TCF20: variants seen among roughly 807,000 people sequenced by gnomAD.
TCF20 encodes transcription factor 20, also known as SPRE-binding protein.
In TCF20, 3 loss-of-function variants were observed where a neutral mutation model predicts 148.6. That is an observed-to-expected ratio of 0.02 (90% CI 0.01 to 0.05). TCF20 has a LOEUF of 0.05. TCF20 is among the 10% of genes least tolerant of loss of function. The pLI, the probability that TCF20 is intolerant of heterozygous loss-of-function variation, is 1.00. For synonymous variants in TCF20, 1,049 were observed against 909.5 expected, an observed-to-expected ratio of 1.15 and a Z score of -2.76; for missense variants, 2,350 against 2,429.3, an observed-to-expected ratio of 0.97 and a Z score of 0.69.
In TCF20 at chr22:42,211,298, A is replaced by C; in HGVS notation, c.4008T>G (p.Pro1336=). The C allele has an allele frequency of 6.2e-7, 1 of 1,614,190 alleles. No individual in the cohort carries two copies. Among genetic ancestry groups the C allele is most frequent in the East Asian group, 2.2e-5 (1 of 44,874 alleles). Residue 1336 remains proline, a synonymous_variant, in exon 2 of 6, where the codon CCT becomes CCG. Coordinates refer to ENST00000677622, the MANE Select transcript of TCF20 (RefSeq NM_001378418.1). ...GTGGGGGCAGTATTTTGGTCTTAGC[A>C]GGGCTTGTGAGGGTAACAGCAGGGC... ...RNCPAVTLTS[P]AKTKILPPRK...
chr22:42,247,848 G>A lies in TCF20; in HGVS notation c.-37+22491C>T, dbSNP rs185957145. Among the ~76,000 whole-genome samples, 233 of 152,086 alleles carry A rather than the reference G, an allele frequency of 1.5e-3. 2 individuals carry two copies. Among genetic ancestry groups the A allele is most frequent in the South Asian group, 2.1e-3 (10 of 4,822 alleles). The stretch of plus-strand genomic sequence containing the variant: ...TGTCTCCTACTTGACTGGTTCCTCC[G>A]CATCTCTTCAAGACACCTCTCTTCA... On this transcript the variant is annotated intron_variant, in intron 1 of 5. Coordinates refer to ENST00000677622, the MANE Select transcript of TCF20 (RefSeq NM_001378418.1).
At chr22:42,275,138 G>A (rs1215956712), upstream of TCF20, 1 of 152,222 alleles carries the variant, frequency 6.6e-6, no homozygotes, top group East Asian at 1.9e-4. Context: ...GACAGAGATG[G>A]ACCTAGACAG....
At chr22:42,206,103 A>G (rs1938365678) in intron 2 of TCF20, among the ~76,000 whole-genome samples, 1 of 152,150 alleles carries the variant, frequency 6.6e-6, no homozygotes, top group Admixed American at 6.6e-5. Flanking sequence ...CAGGATCTAG[A>G]GATTTGCTGG....
chr22:42,200,721 G>A (rs1016566204), intron 2 of TCF20, among the ~76,000 whole-genome samples: 4 of 150,172 alleles, frequency 2.7e-5, no homozygotes, highest in African/African-American at 2.4e-5. Context: ...TCTGACTCCC[G>A]TTTCTACCAC....
At chr22:42,269,448 G>T (rs1288855045) in intron 1 of TCF20, among the ~76,000 whole-genome samples, 4 of 152,040 alleles carry the variant, frequency 2.6e-5, no homozygotes, top group South Asian at 4.1e-4. Context: ...AGAGGAAGAC[G>T]GCCGCTCCTC....
At chr22:42,243,359 T>C (rs146536574) in intron 1 of TCF20, among the ~76,000 whole-genome samples, 158 of 145,068 alleles carry the variant, frequency 1.1e-3, no homozygotes, top group African/African-American at 3.9e-3. Flanking sequence ...TCCCAGCACT[T>C]TGGGAGGCTG....
intron 1 of TCF20, among the ~76,000 whole-genome samples, chr22:42,323,952 T>G (rs1015359914): frequency 1.4e-4 from 3 of 22,010 alleles, no homozygotes; most frequent in Admixed American, 4.9e-4. Context: ...TGATGGAGGT[T>G]ATGGTGGTGG....
intron 1 of TCF20, among the ~76,000 whole-genome samples, chr22:42,306,036 C>T (rs773526640): frequency 1.3e-5 from 2 of 152,204 alleles, no homozygotes; most frequent in Non-Finnish European, 2.9e-5. Flanking sequence ...TCTGGTGAGG[C>T]TTGGTGAGCC....
rs542252767 is a variant in TCF20 at position 42,279,398 on chromosome 22, A to C, written c.-37+4429T>G. On this transcript the variant is annotated intron_variant, in intron 1 of 5. Coordinates refer to the TCF20 transcript ENST00000359486. The surrounding 1 kb of genome is among the most constrained non-coding windows in gnomAD (Gnocchi z 4.3). Reference sequence around the variant, plus strand: ...AGGCTGAGGCTGGAGAATCACTTGAACCTGGGAGGCAGAGGTTGCAGTGAG... The same window carrying C: ...AGGCTGAGGCTGGAGAATCACTTGACCCTGGGAGGCAGAGGTTGCAGTGAG... Among the ~76,000 whole-genome samples the C allele has an allele frequency of 6.6e-6, 1 of 152,078 alleles. No homozygotes were observed. Among genetic ancestry groups the C allele is most frequent in the African/African-American group, 2.4e-5 (1 of 41,392 alleles).
chr22:42,291,500 G>A (rs989432453), intron 1 of TCF20, among the ~76,000 whole-genome samples: 15 of 152,338 alleles, frequency 9.8e-5, no homozygotes, highest in African/African-American at 3.1e-4. Context: ...CAGCTGGACC[G>A]TCTGGACTAT....
At chr22:42,296,529 T>C (rs925672335) in intron 1 of TCF20, among the ~76,000 whole-genome samples, 10 of 152,184 alleles carry the variant, frequency 6.6e-5, no homozygotes, top group Admixed American at 6.5e-5. Context: ...CCTGCGGCGT[T>C]CGAGCTGCTG....
At position 42,209,874 on chromosome 22, in the gene TCF20, G is replaced by A. The variant is rs985340509; in HGVS notation, c.5432C>T (p.Ala1811Val). 9 of 1,614,116 alleles carry A rather than the reference G, an allele frequency of 5.6e-6. 1 individual carries two copies. Among genetic ancestry groups the A allele is most frequent in the South Asian group, 2.2e-5 (2 of 91,090 alleles). ...SLSRGLPCKKAATEGSSEKTV... is the reference protein window; with the variant it reads ...SLSRGLPCKKVATEGSSEKTV... ...CTTTTCACTGCTGCCCTCAGTGGCT[G>A]CTTTTTTACAAGGGAGCCCCCTGGA... Residue 1811 changes from alanine to valine, a missense_variant, in exon 2 of 6, where the codon GCA (alanine) becomes GTA (valine). Around this residue, in one of 7 missense-constraint regions of TCF20, gnomAD observed 374 missense variants for 398.3 expected, o/e 0.94. Transcript: ENST00000677622.
At chr22:42,335,950 C>A (rs1423833163) in intron 1 of TCF20, among the ~76,000 whole-genome samples, 1 of 152,240 alleles carries the variant, frequency 6.6e-6, no homozygotes. Context: ...CATCACTCCT[C>A]CTCTGCCCAG....
At chr22:42,315,576 C>A in intron 1 of TCF20, among the ~76,000 whole-genome samples, 1 of 152,198 alleles carries the variant, frequency 6.6e-6, no homozygotes, top group East Asian at 1.9e-4. Context: ...GGCCATGGGG[C>A]CAACACTGAG....
chr22:42,284,247 A>G (rs1170452724), upstream of TCF20, among the ~76,000 whole-genome samples: 1 of 152,268 alleles, frequency 6.6e-6, no homozygotes, highest in Non-Finnish European at 1.5e-5. Context: ...TCTTATCTCT[A>G]TAGATAGGGG....
upstream of TCF20, among the ~76,000 whole-genome samples, chr22:42,288,715 C>CAA (rs60058670): frequency 7.0e-4 from 60 of 85,270 alleles, 3 homozygotes; most frequent in East Asian, 1.7e-3. Context: ...GACCCTGTAT[C>CAA]AAAAAAAAAA....
At chr22:42,246,898 A>AGGGGTTGCAGTGAGCC (rs1215247822) in intron 1 of TCF20, among the ~76,000 whole-genome samples, 3 of 150,884 alleles carry the variant, frequency 2.0e-5, no homozygotes, top group Non-Finnish European at 3.0e-5. Flanking sequence ...CCTGGGAAGC[A>AGGGGTTGCAGTGAGCC]GGGGTTGCAG....
chr22:42,259,532 A>C (rs1925920951), intron 1 of TCF20, among the ~76,000 whole-genome samples: 1 of 152,230 alleles, frequency 6.6e-6, no homozygotes, highest in African/African-American at 2.4e-5. Context: ...GTGATGTCTT[A>C]CAAGCATCTC....
At chr22:42,270,720 G>GGGCGCGCGGCGGGGCGGGGC (rs1689865177), upstream of TCF20, among the ~76,000 whole-genome samples, 2 of 143,584 alleles carry the variant, frequency 1.4e-5, no homozygotes, top group South Asian at 2.1e-4. Context: ...GCGGGCGGGA[G>GGGCGCGCGGCGGGGCGGGGC]GGCGCGCGGC....
Sources: allele counts gnomAD v4.1 joint callset (sites outside exome capture counted in the v4.1 genomes callset), GRCh38; gene constraint gnomAD v4.1.1; regional missense constraint gnomAD v4.1.1; non-coding constraint Gnocchi (gnomAD v3.1); transcripts MANE v1.5; gene names NCBI Gene and HGNC (gene_info 2026-07-23, HGNC 2026-07-21).